DPP10: variants seen among roughly 807,000 people sequenced by gnomAD.
DPP10 encodes inactive dipeptidyl peptidase 10.
DPP10 carries 33 observed loss-of-function variants against 120.9 expected under a neutral mutation model. That is an observed-to-expected ratio of 0.27 (90% CI 0.21 to 0.37). DPP10 has a LOEUF of 0.37. Ranked by LOEUF, DPP10 falls within the 10% of genes least tolerant of loss-of-function variation. The pLI, the probability that DPP10 is intolerant of heterozygous loss-of-function variation, is 1.00. For synonymous variants in DPP10, 337 were observed against 326.1 expected (o/e 1.03, Z -0.36); for missense variants, 816 against 942.8 (o/e 0.87, Z 1.76).
chr2:114,781,914 C>T (rs570025552), intron 1 of DPP10, among the ~76,000 whole-genome samples: 3 of 152,060 alleles, frequency 2.0e-5, no homozygotes, highest in South Asian at 2.1e-4. Context: ...TCATCATGTT[C>T]GTAATAAAAA....
chr2:115,345,836 G>A (rs2063686097), intron 3 of DPP10, among the ~76,000 whole-genome samples: 1 of 152,080 alleles, frequency 6.6e-6, no homozygotes, highest in Non-Finnish European at 1.5e-5. Context: ...TAATATATTT[G>A]GAGTTTATCA....
At chr2:115,781,720 T>C (rs1225458135) in intron 16 of DPP10, among the ~76,000 whole-genome samples, 2 of 151,686 alleles carry the variant, frequency 1.3e-5, no homozygotes, top group Admixed American at 6.6e-5. Flanking sequence ...ATATATGAAA[T>C]GAAGTAATCA....
intron 1 of DPP10, among the ~76,000 whole-genome samples, chr2:114,974,867 G>A (rs902334642): frequency 6.6e-6 from 1 of 151,794 alleles, no homozygotes; most frequent in African/African-American, 2.4e-5. Flanking sequence ...TAAAATGATA[G>A]TAAGAAATAT....
At chr2:115,504,276 T>TC (rs1660305878) in intron 4 of DPP10, among the ~76,000 whole-genome samples, 1 of 550 alleles carries the variant, frequency 1.8e-3, no homozygotes, top group Admixed American at 0.038. Context: ...TATTGCCAAC[T>TC]TTTTTTTTTT....
chr2:114,911,291 C>T (rs995972522), intron 1 of DPP10, among the ~76,000 whole-genome samples: 2 of 152,042 alleles, frequency 1.3e-5, no homozygotes, highest in African/African-American at 4.8e-5. Context: ...ATGCAATCTG[C>T]TTTTGTATGA....
At chr2:115,196,132 C>G (rs2055250065) in intron 1 of DPP10, among the ~76,000 whole-genome samples, 1 of 152,184 alleles carries the variant, frequency 6.6e-6, no homozygotes, top group Non-Finnish European at 1.5e-5. Flanking sequence ...TGTGGACAAT[C>G]CGTCAAGCCC....
At chr2:114,729,017 G>A (rs1202936378) in intron 1 of DPP10, among the ~76,000 whole-genome samples, 3 of 152,194 alleles carry the variant, frequency 2.0e-5, no homozygotes, top group Non-Finnish European at 4.4e-5. Context: ...ATAATGGGAG[G>A]GAGGTTTAAC....
intron 1 of DPP10, among the ~76,000 whole-genome samples, chr2:115,056,924 T>C (rs1490280744): frequency 6.6e-6 from 1 of 152,220 alleles, no homozygotes; most frequent in Non-Finnish European, 1.5e-5. Context: ...GTTTTATTAC[T>C]ATGGCATTAA....
chr2:115,091,719 C>G (rs973689497), intron 1 of DPP10, among the ~76,000 whole-genome samples: 2 of 152,174 alleles, frequency 1.3e-5, no homozygotes, highest in African/African-American at 4.8e-5. Context: ...GTTAGTTATG[C>G]TTTGCTCACG....
At chr2:114,714,351 T>A (rs1291212159) in intron 1 of DPP10, among the ~76,000 whole-genome samples, 2 of 152,214 alleles carry the variant, frequency 1.3e-5, no homozygotes, top group Non-Finnish European at 2.9e-5. Flanking sequence ...CTTTATTAAA[T>A]TAATACTTAT....
chr2:115,195,478 T>A (rs563697345), intron 1 of DPP10, among the ~76,000 whole-genome samples: 83 of 152,342 alleles, frequency 5.4e-4, no homozygotes, highest in African/African-American at 1.9e-3. Context: ...CAAAAATCTG[T>A]CCAGCTATTC....
At chr2:115,296,084 G>A (rs2060871650) in intron 1 of DPP10, among the ~76,000 whole-genome samples, 1 of 152,036 alleles carries the variant, frequency 6.6e-6, no homozygotes, top group Non-Finnish European at 1.5e-5. Context: ...ATGTCTTTGT[G>A]GCCCCCAGCT....
At chr2:115,628,124 T>C (rs569579620) in intron 5 of DPP10, among the ~76,000 whole-genome samples, 2 of 152,284 alleles carry the variant, frequency 1.3e-5, no homozygotes, top group East Asian at 3.9e-4. Flanking sequence ...TGAACTGATT[T>C]ACATTTTCAC....
chr2:114,626,462 CAG>C, intron 1 of DPP10, among the ~76,000 whole-genome samples: 1 of 152,120 alleles, frequency 6.6e-6, no homozygotes, highest in Non-Finnish European at 1.5e-5. Flanking sequence ...TATGTGAACT[CAG>C]AGTCAAATCT....
At chr2:115,373,960 C>A (rs1223423389) in intron 3 of DPP10, among the ~76,000 whole-genome samples, 1 of 151,864 alleles carries the variant, frequency 6.6e-6, no homozygotes, top group African/African-American at 2.4e-5. Context: ...AGAACTTACT[C>A]ACTATCATGA....
chr2:115,451,757 CATT>C (rs1401007039), intron 3 of DPP10, among the ~76,000 whole-genome samples: 4 of 151,904 alleles, frequency 2.6e-5, no homozygotes, highest in African/African-American at 4.8e-5. Context: ...TAAACAAAAA[CATT>C]ATAAAAATTA....
intron 1 of DPP10, among the ~76,000 whole-genome samples, chr2:114,500,071 A>G (rs991164408): frequency 1.3e-5 from 2 of 152,138 alleles, no homozygotes; most frequent in Non-Finnish European, 2.9e-5. Context: ...TGTGTTTCAG[A>G]GGTATTTTCT....
At chr2:115,551,292 A>G (rs1006605243) in intron 5 of DPP10, among the ~76,000 whole-genome samples, 4 of 152,160 alleles carry the variant, frequency 2.6e-5, no homozygotes, top group African/African-American at 7.2e-5. Flanking sequence ...ACATTGTGCA[A>G]TATAATTTTA....
intron 1 of DPP10, among the ~76,000 whole-genome samples, chr2:114,592,860 G>A (rs781223017): frequency 2.1e-4 from 32 of 152,066 alleles, no homozygotes; most frequent in Non-Finnish European, 4.4e-4. Flanking sequence ...ATGTTTATGT[G>A]TCTTGAAGGT....
Sources: allele counts gnomAD v4.1 joint callset (sites outside exome capture counted in the v4.1 genomes callset), GRCh38; gene constraint gnomAD v4.1.1; transcripts MANE v1.5; gene names NCBI Gene and HGNC (gene_info 2026-07-23, HGNC 2026-07-21).